Variants in OR2T12 observed in about 807,000 individuals in gnomAD.
OR2T12 encodes olfactory receptor family 2 subfamily T member 12.
For missense variants in OR2T12, 335 were observed against 404.3 expected, an observed-to-expected ratio of 0.83 and a Z score of 1.47; for synonymous variants, 127 against 160.5, an observed-to-expected ratio of 0.79 and a Z score of 1.58.
chr1:248,301,697 T>G (rs1279912823), intron 1 of OR2T12, 144 bp from the exon 2 acceptor site: 4 of 152,168 alleles, frequency 2.6e-5, no homozygotes, highest in African/African-American at 9.6e-5. Context: ...CTAATTTTAT[T>G]TATTTTATCT....
chr1:248,295,699 G>A (rs1242796799), intron 2 of OR2T12, 113 bp from the exon 3 acceptor site: 5 of 1,400,546 alleles, frequency 3.6e-6, no homozygotes, highest in Admixed American at 2.3e-5. Flanking sequence ...ATCCCAGGTC[G>A]TGATTCAAAG....
intron 2 of OR2T12, among the ~76,000 whole-genome samples, chr1:248,300,333 A>T (rs1164697899): frequency 6.6e-6 from 1 of 152,128 alleles, no homozygotes; most frequent in Non-Finnish European, 1.5e-5. Flanking sequence ...TTTGTCAATC[A>T]TCATGAAGAG....
Position 248,295,282 on chromosome 1 carries a change from G to C in OR2T12, c.297C>G (p.Ile99Met). 2 of 1,608,690 alleles carry C rather than the reference G, an allele frequency of 1.2e-6. No homozygotes were observed. The highest frequency in any genetic ancestry group is 1.7e-6 in the Non-Finnish European group (2 of 1,177,986). Residue 99 changes from isoleucine to methionine, a missense_variant, in exon 3 of 3, where the codon ATC (isoleucine) becomes ATG (methionine). Coordinates refer to ENST00000641276, the MANE Select transcript of OR2T12 (RefSeq NM_001004692.2). The part of the protein sequence containing the change: ...AISRAGCGVQ[I>M]FFLPTLGGGE... ...CACCACCCAGTGTGGGGAGGAAGAAGATCTGCACACCACAGCCAGCGCGGG... is the reference window on the plus strand; with the variant it reads ...CACCACCCAGTGTGGGGAGGAAGAACATCTGCACACCACAGCCAGCGCGGG...
rs909772674 is a variant in OR2T12 at position 248,290,693 on chromosome 1, T to G, written c.*3923A>C. ...CTCCCAAAACAACATGGTAAAAGCG[T>G]TGCTATTTCTCCGCATACGTGCCAG... On this transcript the variant is annotated 3_prime_UTR_variant, in exon 3 of 3. Coordinates refer to ENST00000641276, the MANE Select transcript of OR2T12 (RefSeq NM_001004692.2). The G allele has an allele frequency of 6.6e-6, 1 of 152,212 alleles. No individual in the cohort carries two copies. Among genetic ancestry groups the G allele is most frequent in the African/African-American group, 2.4e-5 (1 of 41,456 alleles). 9.4% of individuals were successfully genotyped at this position (152,212 alleles called of 1,614,324 possible). A position where few individuals can be genotyped will look rare whatever the true frequency, so the allele number is the denominator to read the frequency against.
At position 248,294,678 on chromosome 1, in the gene OR2T12, G is replaced by A; in HGVS notation, c.901C>T (p.Arg301Trp). 1.5e-5 allele frequency: 25 copies of A among 1,614,104 alleles called. No homozygotes were observed. Among genetic ancestry groups the A allele is most frequent in the Non-Finnish European group, 2.0e-5 (24 of 1,180,030 alleles). The stretch of plus-strand genomic sequence containing the variant: ...AGGTTTACACACGTCCCCAGCCACC[G>A]TTTCAGGGCTTCCTTGACCTCACTG... ...RNSEVKEALK[R>W]WLGTCVNLKH... Residue 301 changes from arginine to tryptophan, a missense_variant, in exon 3 of 3, where the codon CGG becomes TGG. Physicochemically the swap from Arg to Trp is moderately radical, Grantham distance 101 (BLOSUM62 -3). Transcript: ENST00000641276.
intron 2 of OR2T12, among the ~76,000 whole-genome samples, chr1:248,296,112 T>C (rs1000875848): frequency 2.0e-5 from 3 of 152,062 alleles, no homozygotes; most frequent in African/African-American, 7.2e-5. Flanking sequence ...GTGTTTGGTT[T>C]TTTGTCCTTG....
At position 248,294,595 on chromosome 1, in the gene OR2T12, T is replaced by A. The variant is rs1228156829; in HGVS notation, c.*21A>T. On this transcript the variant is annotated 3_prime_UTR_variant, in exon 3 of 3. Transcript: ENST00000641276. ...TTAAAATGTTAATAAATTCAGGAACTTAGACTCATCTGACACTAGATCATC... is the reference window on the plus strand; with the variant it reads ...TTAAAATGTTAATAAATTCAGGAACATAGACTCATCTGACACTAGATCATC... 1.2e-6 allele frequency: 2 copies of A among 1,606,216 alleles called. No homozygotes were observed. The highest frequency in any genetic ancestry group is 2.7e-5 in the African/African-American group (2 of 74,394).
intron 2 of OR2T12, among the ~76,000 whole-genome samples, chr1:248,298,608 ATTTCTTCTAGAT>A (rs1659769410): frequency 6.6e-6 from 1 of 150,714 alleles, no homozygotes; most frequent in South Asian, 2.1e-4. Context: ...GAATTTATCC[ATTTCTTCTAGAT>A]TTTCTAGTTT....
chr1:248,302,039 T>TAAA (rs754524455), intron 1 of OR2T12, among the ~76,000 whole-genome samples: 1 of 131,162 alleles, frequency 7.6e-6, no homozygotes, highest in African/African-American at 2.7e-5. Context: ...CAGAACTTGA[T>TAAA]AAAAAAAAAA....
chr1:248,296,803 T>A (rs1471064551), intron 2 of OR2T12, among the ~76,000 whole-genome samples: 4 of 152,110 alleles, frequency 2.6e-5, no homozygotes, highest in African/African-American at 9.7e-5. Context: ...ATTTTGTGGG[T>A]TGCCTGTCAC....
rs138601940 is a variant in OR2T12 at position 248,299,155 on chromosome 1, A to T, written c.-9+2218T>A. Among the ~76,000 whole-genome samples, 955 of 152,270 alleles carry T rather than the reference A, an allele frequency of 6.3e-3. 7 individuals carry two copies. The highest frequency in any genetic ancestry group is 0.021 in the African/African-American group (890 of 41,550). On this transcript the variant is annotated intron_variant, in intron 2 of 2. Coordinates refer to ENST00000641276, the MANE Select transcript of OR2T12 (RefSeq NM_001004692.2). Reference sequence around the variant, plus strand: ...ACGAGCAAAATAACCAGCTAACATCATAATGACAGGATCAAATTCACACAT... The same window carrying T: ...ACGAGCAAAATAACCAGCTAACATCTTAATGACAGGATCAAATTCACACAT...
At chr1:248,302,206 GAT>G (rs995642964) in intron 1 of OR2T12, among the ~76,000 whole-genome samples, 1 of 151,980 alleles carries the variant, frequency 6.6e-6, no homozygotes, top group Non-Finnish European at 1.5e-5. Flanking sequence ...TGGCAATAAT[GAT>G]CATAGCAATT....
rs1440270294 is a variant in OR2T12 at position 248,293,702 on chromosome 1, G to C, written c.*914C>G. On this transcript the variant is annotated 3_prime_UTR_variant, in exon 3 of 3. Coordinates refer to ENST00000641276, the MANE Select transcript of OR2T12 (RefSeq NM_001004692.2). The stretch of plus-strand genomic sequence containing the variant: ...ATAACTCATTGTTAGTAACTGTCAA[G>C]ATTCAGCATGATCATGCAATTCAGA... 1.7e-4 allele frequency: 26 copies of C among 152,102 alleles called. No homozygotes were observed. Among genetic ancestry groups the C allele is most frequent in the Non-Finnish European group, 3.8e-4 (26 of 68,008 alleles). The allele number at this position is 152,102 out of a possible 1,614,324, so 9.4% of individuals were successfully genotyped here.
Position 248,294,673 on chromosome 1 carries a change from C to A in OR2T12, c.906G>T (p.Trp302Cys), listed in dbSNP as rs767959963. 1.2e-6 allele frequency: 2 copies of A among 1,613,990 alleles called. No individual in the cohort carries two copies. Among genetic ancestry groups the A allele is most frequent in the African/African-American group, 1.3e-5 (1 of 74,900 alleles). ...GTTTTAGGTTTACACACGTCCCCAG[C>A]CACCGTTTCAGGGCTTCCTTGACCT... ...NSEVKEALKR[W>C]LGTCVNLKHQ... The change falls in exon 3 of 3, where the codon TGG becomes TGT. Residue 302 changes from tryptophan (W) to cysteine (C), a missense_variant. Coordinates refer to ENST00000641276, the MANE Select transcript of OR2T12 (RefSeq NM_001004692.2).
Position 248,295,114 on chromosome 1 carries a change from G to C in OR2T12, c.465C>G (p.Leu155=). ...SSWLLGAADG[L]LQAVATLSFP... is the part of the protein sequence containing the mutation. ...AGCTCAGGGTAGCAACAGCCTGCAGGAGGCCGTCAGCTGCACCCAGGAGCC... is the reference window on the plus strand; with the variant it reads ...AGCTCAGGGTAGCAACAGCCTGCAGCAGGCCGTCAGCTGCACCCAGGAGCC... Residue 155 remains leucine (L), a synonymous_variant, in exon 3 of 3, where the codon CTC becomes CTG. Transcript: ENST00000641276. The C allele has an allele frequency of 6.2e-7, 1 of 1,604,472 alleles. No homozygotes were observed. The highest frequency in any genetic ancestry group is 8.5e-7 in the Non-Finnish European group (1 of 1,175,946).
chr1:248,298,583 G>T (rs1265391576), intron 2 of OR2T12, among the ~76,000 whole-genome samples: 11 of 151,062 alleles, frequency 7.3e-5, no homozygotes, highest in Admixed American at 6.6e-4. Flanking sequence ...GTCTTGGGAG[G>T]GTGTATGTGT....
rs1659686240 is a variant in OR2T12, at chr1:248,294,686, G to A, written c.893C>T (p.Ala298Val). 1.2e-6 allele frequency: 2 copies of A among 1,613,948 alleles called. No individual in the cohort carries two copies. The highest frequency in any genetic ancestry group is 1.3e-5 in the African/African-American group (1 of 74,878). The stretch of plus-strand genomic sequence containing the variant: ...ACACGTCCCCAGCCACCGTTTCAGG[G>A]CTTCCTTGACCTCACTGTTCCTCAC... ...YSVRNSEVKEALKRWLGTCVN... is the reference protein window; with the variant it reads ...YSVRNSEVKEVLKRWLGTCVN... Residue 298 changes from alanine to valine, a missense_variant, in exon 3 of 3, where the codon GCC becomes GTC. Coordinates refer to ENST00000641276, the MANE Select transcript of OR2T12 (RefSeq NM_001004692.2).
At chr1:248,298,858 C>A (rs1486531563) in intron 2 of OR2T12, among the ~76,000 whole-genome samples, 1 of 151,862 alleles carries the variant, frequency 6.6e-6, no homozygotes, top group Non-Finnish European at 1.5e-5. Context: ...TCCTTCAGTT[C>A]TGCTCTGATT....
intron 2 of OR2T12, among the ~76,000 whole-genome samples, chr1:248,299,183 C>A (rs1162413724): frequency 1.3e-5 from 2 of 152,182 alleles, no homozygotes; most frequent in East Asian, 3.9e-4. Flanking sequence ...TCACACATAA[C>A]AATATTAACT....
Sources: gnomAD v4.1 joint callset for allele counts (sites outside exome capture counted in the v4.1 genomes callset) on GRCh38, gnomAD v4.1.1 for gene constraint, MANE v1.5 for transcripts, NCBI Gene and HGNC (gene_info 2026-07-23, HGNC 2026-07-21) for gene names.